ADAM29: variants seen among roughly 807,000 people sequenced by gnomAD.
ADAM29 encodes the protein ADAM metallopeptidase domain 29.
For synonymous variants in ADAM29, 367 were observed against 342.3 expected, an observed-to-expected ratio of 1.07 and a Z score of -0.80; for missense variants, 969 against 1,001.8, an observed-to-expected ratio of 0.97 and a Z score of 0.44.
Position 174,977,469 on chromosome 4 carries a change from G to C in ADAM29, c.1944G>C (p.Trp648Cys). The change falls in exon 5 of 5, where the codon TGG (tryptophan) becomes TGC (cysteine). Residue 648 changes from tryptophan to cysteine, a missense_variant. Transcript: ENST00000359240. ...NKHHCHCNYL[W>C]DPPNCLIKGY... ...ATCACTGCCATTGCAATTATCTGTG[G>C]GACCCTCCCAACTGCCTGATAAAAG... 6.2e-7 allele frequency: 1 copy of C among 1,613,988 alleles called. No individual in the cohort carries two copies. Among genetic ancestry groups the C allele is most frequent in the Non-Finnish European group, 8.5e-7 (1 of 1,179,966 alleles).
At position 174,976,552 on chromosome 4, in the gene ADAM29, G is replaced by C. The variant is rs760320174; in HGVS notation, c.1027G>C (p.Asp343His). The change falls in exon 5 of 5, where the codon GAT becomes CAT. Residue 343 changes from aspartate (D) to histidine (H), a missense_variant. By Grantham distance (81) the Asp-to-His change is moderately conservative (BLOSUM62 -1). Transcript: ENST00000359240. ...HLGHNLGMNH[D>H]EDTCRCSQPR... ...AGGTCATAATTTGGGCATGAACCAT[G>C]ATGAGGATACATGTCGTTGTTCACA... The C allele has an allele frequency of 4.4e-6, 7 of 1,602,704 alleles. No homozygotes were observed. Among genetic ancestry groups the C allele is most frequent in the Non-Finnish European group, 6.0e-6 (7 of 1,174,902 alleles).
At position 174,956,963 on chromosome 4, in the gene ADAM29, G is replaced by T. The variant is rs1288260783; in HGVS notation, c.-180-18383G>T. On this transcript the variant is annotated intron_variant, in intron 4 of 4. Transcript: ENST00000359240. ...TCAGCATAGTCAAATATGAAAGACT[G>T]ATCCACTTTTCAGTGTTGGCTGAAG... Among the ~76,000 whole-genome samples the T allele has an allele frequency of 4.6e-5, 7 of 151,870 alleles. No individual in the cohort carries two copies. The South Asian group carries it at 1.4e-3, about 31-fold the overall frequency.
At position 174,977,731 on chromosome 4, in the gene ADAM29, G is replaced by A. The variant is rs745486754; in HGVS notation, c.2206G>A (p.Val736Met). The A allele has an allele frequency of 1.4e-5, 23 of 1,604,466 alleles. No homozygotes were observed. The highest frequency in any genetic ancestry group is 1.9e-5 in the Non-Finnish European group (22 of 1,172,020). The change falls in exon 5 of 5, where the codon GTG becomes ATG. Residue 736 changes from valine (V) to methionine (M), a missense_variant. Coordinates refer to ENST00000359240, the MANE Select transcript of ADAM29 (RefSeq NM_014269.4). ...GTTACCTCCCCAGAGTCAACCTTGG[G>A]TGATGCCTTCCCAGAGTCAACCTCC... The part of the protein sequence containing the change: ...HELPPQSQPW[V>M]MPSQSQPPVT...
chr4:174,934,598 A>G (rs192717156), intron 3 of ADAM29, among the ~76,000 whole-genome samples: 27 of 152,226 alleles, frequency 1.8e-4, no homozygotes, highest in African/African-American at 5.5e-4. Flanking sequence ...TTCTTTTTCA[A>G]TTCATCTTAT....
At chr4:174,938,325 G>A (rs1321393895) in intron 4 of ADAM29, among the ~76,000 whole-genome samples, 1 of 152,026 alleles carries the variant, frequency 6.6e-6, no homozygotes, top group African/African-American at 2.4e-5. Flanking sequence ...AGAGAGAAAT[G>A]GAATGGGAAT....
chr4:174,969,850 G>C (rs1339060393), intron 4 of ADAM29, among the ~76,000 whole-genome samples: 1 of 151,866 alleles, frequency 6.6e-6, no homozygotes, highest in Non-Finnish European at 1.5e-5. Context: ...ATAATGCTAT[G>C]ATATTTTTCC....
chr4:174,929,155 T>A (rs771446815), intron 2 of ADAM29, among the ~76,000 whole-genome samples: 12 of 152,216 alleles, frequency 7.9e-5, no homozygotes, highest in Non-Finnish European at 1.6e-4. Flanking sequence ...CTCTCCTCTT[T>A]GTTTTCCTGA....
chr4:174,929,627 A>C (rs906298093), intron 2 of ADAM29, among the ~76,000 whole-genome samples: 7 of 150,020 alleles, frequency 4.7e-5, no homozygotes, highest in Admixed American at 1.3e-4. Flanking sequence ...TTTCCACCCC[A>C]GTGCCCAAGG....
chr4:174,963,790 C>T (rs970065001), intron 4 of ADAM29, among the ~76,000 whole-genome samples: 1 of 152,156 alleles, frequency 6.6e-6, no homozygotes, highest in Non-Finnish European at 1.5e-5. Flanking sequence ...TCAAGCGATT[C>T]TCCTGCCTCA....
chr4:174,940,338 C>T (rs1027422245), intron 4 of ADAM29, among the ~76,000 whole-genome samples: 9 of 152,086 alleles, frequency 5.9e-5, no homozygotes, highest in African/African-American at 2.2e-4. Context: ...GTAGATATAA[C>T]ATGAGATATT....
At chr4:174,953,722 T>A (rs55957540) in intron 4 of ADAM29, among the ~76,000 whole-genome samples, 62,887 of 151,964 alleles carry the variant, frequency 0.41, 13,473 homozygotes, top group African/African-American at 0.52. Flanking sequence ...TATTATTATT[T>A]TTTTCTGAGA....
At position 174,923,214 on chromosome 4, in the gene ADAM29, A is replaced by G. The variant is rs150498529; in HGVS notation, c.-451+2422A>G. 2.6e-3 allele frequency among the ~76,000 whole-genome samples: 401 copies of G among 151,470 alleles called. 3 individuals are homozygous for G. Among genetic ancestry groups the G allele is most frequent in the African/African-American group, 9.2e-3 (381 of 41,224 alleles). ...TGGGATTACAGGTCTGCGCCACCACACCTGGCTAATTTTTGTATTTTTAGT... is the reference window on the plus strand; with the variant it reads ...TGGGATTACAGGTCTGCGCCACCACGCCTGGCTAATTTTTGTATTTTTAGT... On this transcript the variant is annotated intron_variant, in intron 2 of 4. Coordinates refer to ENST00000359240, the MANE Select transcript of ADAM29 (RefSeq NM_014269.4).
Position 174,977,114 on chromosome 4 carries a change from G to C in ADAM29, c.1589G>C (p.Arg530Pro). Residue 530 changes from arginine to proline, a missense_variant, in exon 5 of 5, where the codon CGT becomes CCT. Coordinates refer to ENST00000359240, the MANE Select transcript of ADAM29 (RefSeq NM_014269.4). ...CYKELNTLGD[R>P]VGHCGIKNAT... ...AAAGAATTGAACACCTTAGGTGACCGTGTTGGTCACTGTGGTATCAAAAAT... is the reference window on the plus strand; with the variant it reads ...AAAGAATTGAACACCTTAGGTGACCCTGTTGGTCACTGTGGTATCAAAAAT... The C allele has an allele frequency of 5.0e-6, 8 of 1,613,996 alleles. No individual in the cohort carries two copies. The highest frequency in any genetic ancestry group is 6.8e-6 in the Non-Finnish European group (8 of 1,179,956).
chr4:174,920,855 G>T (rs1337158039), intron 2 of ADAM29, 63 bp downstream of exon 2: 1 of 152,096 alleles, frequency 6.6e-6, no homozygotes, highest in Non-Finnish European at 1.5e-5. Context: ...AGAATGGTTA[G>T]CAGATTAAAA....
intron 4 of ADAM29, among the ~76,000 whole-genome samples, chr4:174,971,415 C>G (rs145640420): frequency 6.7e-6 from 1 of 148,378 alleles, no homozygotes; most frequent in Non-Finnish European, 1.5e-5. Flanking sequence ...TGGTGATGAT[C>G]TCTCTCAGAT....
chr4:174,935,109 T>G (rs568645408), intron 3 of ADAM29, among the ~76,000 whole-genome samples: 1 of 152,208 alleles, frequency 6.6e-6, no homozygotes, highest in East Asian at 1.9e-4. Flanking sequence ...TGTTATAAAT[T>G]TTTTACCGAA....
chr4:174,959,565 G>A (rs1745694916), intron 4 of ADAM29, among the ~76,000 whole-genome samples: 1 of 151,166 alleles, frequency 6.6e-6, no homozygotes, highest in African/African-American at 2.4e-5. Context: ...ATTAGTGGCT[G>A]TTATTAATTT....
chr4:174,932,037 C>T (rs1355014766), intron 3 of ADAM29, among the ~76,000 whole-genome samples: 2 of 152,002 alleles, frequency 1.3e-5, no homozygotes, highest in African/African-American at 4.8e-5. Context: ...ACCTGTAATA[C>T]CAGCACTTTG....
At chr4:174,962,511 CAAA>C (rs578109941) in intron 4 of ADAM29, among the ~76,000 whole-genome samples, 6 of 63,528 alleles carry the variant, frequency 9.4e-5, no homozygotes, top group Non-Finnish European at 1.1e-4. Context: ...GACTCCGTCA[CAAA>C]AAAAAAAAAA....
Sources: gnomAD v4.1 joint callset for allele counts (sites outside exome capture counted in the v4.1 genomes callset) on GRCh38, gnomAD v4.1.1 for gene constraint, MANE v1.5 for transcripts, NCBI Gene and HGNC (gene_info 2026-07-23, HGNC 2026-07-21) for gene names.